MEIS2: variants seen among roughly 807,000 people sequenced by gnomAD.
The protein encoded by MEIS2 is homeobox protein Meis2.
MEIS2 carries 9 observed loss-of-function variants against 58.6 expected under a neutral mutation model. That is an observed-to-expected ratio of 0.15 (90% CI 0.09 to 0.27). The LOEUF (loss-of-function observed/expected upper bound fraction) is 0.27. Among genes scored for constraint, MEIS2 ranks in the 10% least tolerant of loss-of-function variants. The pLI, the probability that MEIS2 is intolerant of heterozygous loss-of-function variation, is 1.00. For missense variants in MEIS2, 427 were observed against 635.0 expected, an observed-to-expected ratio of 0.67 and a Z score of 3.52; for synonymous variants, 221 against 228.4, an observed-to-expected ratio of 0.97 and a Z score of 0.29.
intron 9 of MEIS2, among the ~76,000 whole-genome samples, chr15:36,930,063 T>C (rs2057910346): frequency 6.6e-6 from 1 of 151,804 alleles, no homozygotes; most frequent in African/African-American, 2.4e-5. Context: ...ATTAGCCGAC[T>C]GCCATGGTGG....
chr15:37,042,038 G>C (rs1158273030), intron 7 of MEIS2, among the ~76,000 whole-genome samples: 1 of 152,122 alleles, frequency 6.6e-6, no homozygotes, highest in East Asian at 1.9e-4. Context: ...GCATGGTGGT[G>C]AGCACCGCAG....
intron 9 of MEIS2, among the ~76,000 whole-genome samples, chr15:36,909,241 C>T (rs1039031373): frequency 1.3e-5 from 2 of 152,040 alleles, no homozygotes; most frequent in African/African-American, 4.8e-5. Context: ...TGGCACCGAG[C>T]TAATATGCCC....
chr15:36,944,766 C>A (rs2058499992), intron 9 of MEIS2, among the ~76,000 whole-genome samples: 1 of 152,046 alleles, frequency 6.6e-6, no homozygotes. Context: ...ATGCGTTTAA[C>A]AAATGGCCGC....
Position 37,022,845 on chromosome 15 carries a change from C to T in MEIS2, c.900+13969G>A, listed in dbSNP as rs186837673. Among the ~76,000 whole-genome samples the T allele has an allele frequency of 1.9e-3, 292 of 151,134 alleles. 2 individuals are homozygous for T. Among genetic ancestry groups the T allele is most frequent in the African/African-American group, 6.8e-3 (280 of 41,172 alleles). ...CTAATTTTTGTATTTTTAGTAGAGA[C>T]GGGGTTTCACCATCTTGGCCAGGCT... On this transcript the variant is annotated intron_variant, in intron 8 of 11. Coordinates refer to ENST00000561208, the MANE Select transcript of MEIS2 (RefSeq NM_170675.5).
intron 7 of MEIS2, among the ~76,000 whole-genome samples, chr15:37,064,081 A>G (rs1889608358): frequency 6.6e-6 from 1 of 152,184 alleles, no homozygotes; most frequent in Non-Finnish European, 1.5e-5. Flanking sequence ...TGTAAAAGCA[A>G]AAACTAAATA....
In MEIS2 at chr15:37,048,261, T is replaced by C. The variant is rs915801211; in HGVS notation, c.755-11302A>G. ...TATATGTTTTAGTATAGATCAATAA[T>C]AACTATAGGATTTTCTAACTTATTG... On this transcript the variant is annotated intron_variant, in intron 7 of 11. Coordinates refer to ENST00000561208, the MANE Select transcript of MEIS2 (RefSeq NM_170675.5). 5.3e-5 allele frequency among the ~76,000 whole-genome samples: 8 copies of C among 152,304 alleles called. No individual in the cohort carries two copies. In the East Asian group the frequency reaches 1.3e-3, roughly 26 times the overall value.
chr15:37,050,534 T>C (rs1425494860), intron 7 of MEIS2, among the ~76,000 whole-genome samples: 2 of 152,204 alleles, frequency 1.3e-5, no homozygotes, highest in Non-Finnish European at 2.9e-5. Flanking sequence ...AGCAACTTTA[T>C]TGAAACAGAC....
At chr15:36,986,785 C>T (rs1277582330) in intron 8 of MEIS2, among the ~76,000 whole-genome samples, 1 of 152,158 alleles carries the variant, frequency 6.6e-6, no homozygotes, top group Non-Finnish European at 1.5e-5. Context: ...ATCTTGTTTC[C>T]ATTGTGTTCT....
At chr15:36,927,814 T>G (rs1364080592) in intron 9 of MEIS2, among the ~76,000 whole-genome samples, 2 of 152,184 alleles carry the variant, frequency 1.3e-5, no homozygotes, top group Admixed American at 6.5e-5. Flanking sequence ...TAAGTCATTT[T>G]CTCTGTATTT....
chr15:37,079,042 C>A (rs562100083), intron 7 of MEIS2, among the ~76,000 whole-genome samples: 1 of 152,170 alleles, frequency 6.6e-6, no homozygotes, highest in East Asian at 1.9e-4. Context: ...ATGGTTACTA[C>A]TCTAAAAAGT....
intron 7 of MEIS2, among the ~76,000 whole-genome samples, chr15:37,040,520 C>G (rs971606703): frequency 2.0e-5 from 3 of 152,156 alleles, no homozygotes; most frequent in Non-Finnish European, 2.9e-5. Flanking sequence ...AGGAACAGAG[C>G]TTCTTTGAAG....
At chr15:36,963,408 G>A (rs1225202258) in intron 8 of MEIS2, among the ~76,000 whole-genome samples, 1 of 151,076 alleles carries the variant, frequency 6.6e-6, no homozygotes, top group Non-Finnish European at 1.5e-5. Context: ...GTGAAACTTG[G>A]ATTTGACCTG....
chr15:36,998,786 G>A (rs1417277628), intron 8 of MEIS2, among the ~76,000 whole-genome samples: 5 of 152,230 alleles, frequency 3.3e-5, no homozygotes, highest in Admixed American at 2.6e-4. Context: ...TACGCCAAAC[G>A]TTTCATTCAT....
At chr15:36,981,453 A>G (rs989203083) in intron 8 of MEIS2, among the ~76,000 whole-genome samples, 14 of 151,812 alleles carry the variant, frequency 9.2e-5, no homozygotes, top group African/African-American at 3.4e-4. Context: ...GAATTTCCAG[A>G]TAATTTTGAG....
chr15:37,043,897 A>G (rs2062551458), intron 7 of MEIS2, among the ~76,000 whole-genome samples: 2 of 152,094 alleles, frequency 1.3e-5, no homozygotes, highest in South Asian at 2.1e-4. Flanking sequence ...CATGTTGGCC[A>G]GGATGGTCTG....
At position 37,099,690 on chromosome 15, in the gene MEIS2, T is replaced by TTCC. The variant is rs1223581753; in HGVS notation, c.-227_-225dup. 2.0e-6 allele frequency: 1 copy of TTCC among 496,280 alleles called. No individual in the cohort carries two copies. 30.7% of individuals were successfully genotyped at this position (496,280 alleles called of 1,614,324 possible). On this transcript the variant is annotated 5_prime_UTR_variant, in exon 1 of 12. Transcript: ENST00000561208. ...CTTCTTTTTCTCTTTTTTCCTCTTC[T>TTCC]TCCTCCTCCTCCTGATCTTCCTCCT...
At chr15:37,086,055 C>A (rs950237030) in intron 6 of MEIS2, among the ~76,000 whole-genome samples, 1 of 152,212 alleles carries the variant, frequency 6.6e-6, no homozygotes, top group Admixed American at 6.5e-5. Flanking sequence ...ACATATTCAC[C>A]TAAGCTAAAC....
chr15:36,894,212 G>A (rs910574393), intron 11 of MEIS2, among the ~76,000 whole-genome samples: 4 of 152,160 alleles, frequency 2.6e-5, no homozygotes, highest in Admixed American at 2.6e-4. Flanking sequence ...AATCAATGGT[G>A]TCACTGCTGT....
intron 8 of MEIS2, among the ~76,000 whole-genome samples, chr15:36,966,429 T>C (rs777455516): frequency 9.2e-5 from 14 of 152,012 alleles, no homozygotes; most frequent in Non-Finnish European, 1.9e-4. Context: ...ACCAGACGAG[T>C]ATTATGGCTA....
Sources: gnomAD v4.1 joint callset for allele counts (sites outside exome capture counted in the v4.1 genomes callset) on GRCh38, gnomAD v4.1.1 for gene constraint, MANE v1.5 for transcripts, NCBI Gene and HGNC (gene_info 2026-07-23, HGNC 2026-07-21) for gene names.